Variants in MACROD2 observed in about 807,000 individuals in gnomAD.
MACROD2 encodes the protein mono-ADP ribosylhydrolase 2, also known as ADP-ribose glycohydrolase MACROD2.
Under a neutral mutation model 70.4 loss-of-function variants are expected in MACROD2, and 36 were observed. The ratio of observed to expected loss-of-function variants is 0.51; its 90% CI spans 0.39 to 0.68. The LOEUF (loss-of-function observed/expected upper bound fraction) is 0.68. MACROD2 is among the 30% of genes least tolerant of loss of function. The pLI is 0.00. For synonymous variants in MACROD2, 172 were observed against 178.8 expected, an observed-to-expected ratio of 0.96 and a Z score of 0.30; for missense variants, 496 against 538.4, an observed-to-expected ratio of 0.92 and a Z score of 0.78.
At chr20:14,420,144 T>TTATATATA (rs368804584) in intron 3 of MACROD2, among the ~76,000 whole-genome samples, 1,964 of 148,250 alleles carry the variant, frequency 0.013, 25 homozygotes, top group Non-Finnish European at 0.018. Context: ...TCTGTCCTAA[T>TTATATATA]TATATATATA....
intron 8 of MACROD2, among the ~76,000 whole-genome samples, chr20:15,568,203 T>C (rs1235447843): frequency 2.0e-5 from 3 of 152,234 alleles, no homozygotes; most frequent in Non-Finnish European, 2.9e-5. Context: ...TCAGAAGTTC[T>C]ATTGAGAGTT....
At chr20:14,684,654 C>G (rs111678195) in intron 4 of MACROD2, among the ~76,000 whole-genome samples, 189 bp from the exon 5 acceptor site, 2,572 of 147,238 alleles carry the variant, frequency 0.017, 104 homozygotes, top group African/African-American at 0.06. Flanking sequence ...CCTCACCCCC[C>G]CCCCCCGGCC....
At chr20:14,053,321 C>G (rs572771744) in intron 2 of MACROD2, 1 of 152,076 alleles carries the variant, frequency 6.6e-6, no homozygotes, top group African/African-American at 2.4e-5. Context: ...AGGTAGAAAA[C>G]TGAAAAGGGA....
At chr20:14,192,841 T>C (rs1406476159) in intron 3 of MACROD2, among the ~76,000 whole-genome samples, 1 of 152,208 alleles carries the variant, frequency 6.6e-6, no homozygotes, top group Non-Finnish European at 1.5e-5. Flanking sequence ...GGATTTTTGC[T>C]TCTGCAAGTG....
intron 6 of MACROD2, among the ~76,000 whole-genome samples, chr20:15,319,138 A>C (rs921136713): frequency 1.1e-4 from 17 of 152,208 alleles, no homozygotes; most frequent in African/African-American, 4.1e-4. Flanking sequence ...ACATCAATAC[A>C]CACAAATCAG....
chr20:14,652,553 AAC>A (rs1164263993), intron 4 of MACROD2, among the ~76,000 whole-genome samples: 1 of 152,292 alleles, frequency 6.6e-6, no homozygotes, highest in East Asian at 1.9e-4. Context: ...GTTTAAAAAC[AAC>A]AGTTTTTTCC....
At chr20:15,118,497 G>A (rs2076008287) in intron 5 of MACROD2, among the ~76,000 whole-genome samples, 2 of 152,088 alleles carry the variant, frequency 1.3e-5, no homozygotes, top group Non-Finnish European at 1.5e-5. Flanking sequence ...AGCCTAAAGT[G>A]AGCTCTTGAC....
chr20:15,001,717 T>A (rs1044073148), intron 5 of MACROD2, among the ~76,000 whole-genome samples: 2 of 151,504 alleles, frequency 1.3e-5, no homozygotes, highest in African/African-American at 4.9e-5. Flanking sequence ...TTTTTTTTAA[T>A]TTTTATTTCT....
At chr20:14,883,014 A>G (rs182673637) in intron 5 of MACROD2, among the ~76,000 whole-genome samples, 2 of 152,276 alleles carry the variant, frequency 1.3e-5, no homozygotes, top group Admixed American at 6.5e-5. Flanking sequence ...TCTTCATGAA[A>G]CAGAGGCCAC....
chr20:14,261,004 C>T (rs1445834855), intron 3 of MACROD2, among the ~76,000 whole-genome samples: 1 of 152,120 alleles, frequency 6.6e-6, no homozygotes, highest in Non-Finnish European at 1.5e-5. Context: ...CTACAGAGTA[C>T]CATCATAATA....
chr20:15,713,535 A>AGG (rs1490700861), intron 8 of MACROD2, among the ~76,000 whole-genome samples: 53 of 109,536 alleles, frequency 4.8e-4, no homozygotes, highest in Non-Finnish European at 9.6e-4. Context: ...CCTCGATGGC[A>AGG]GGAGAGAGAG....
At chr20:14,020,987 CTTTTTTTT>C (rs1163077387) in intron 2 of MACROD2, among the ~76,000 whole-genome samples, 2 of 111,548 alleles carry the variant, frequency 1.8e-5, no homozygotes, top group South Asian at 2.9e-4. Flanking sequence ...TTTGAATATT[CTTTTTTTT>C]TTTTTTTTTT....
chr20:15,932,625 A>T (rs1255728809), intron 10 of MACROD2, among the ~76,000 whole-genome samples: 1 of 152,212 alleles, frequency 6.6e-6, no homozygotes. Context: ...GCCTATACTT[A>T]ACCTTCAAAA....
chr20:15,032,775 C>A (rs1315050299), intron 5 of MACROD2, among the ~76,000 whole-genome samples: 4 of 152,200 alleles, frequency 2.6e-5, no homozygotes, highest in African/African-American at 4.8e-5. Context: ...TACTTGTACA[C>A]CAATGTTCAT....
At chr20:14,594,705 A>T (rs1982003673) in intron 4 of MACROD2, among the ~76,000 whole-genome samples, 1 of 152,220 alleles carries the variant, frequency 6.6e-6, no homozygotes, top group African/African-American at 2.4e-5. Flanking sequence ...CAGCCTGGCC[A>T]ATATGGTGAA....
chr20:14,318,363 A>T (rs2082630936), intron 3 of MACROD2, among the ~76,000 whole-genome samples: 1 of 152,182 alleles, frequency 6.6e-6, no homozygotes, highest in Non-Finnish European at 1.5e-5. Context: ...GAAGCCTCTT[A>T]AAAAAGAAAA....
At chr20:15,216,057 A>G (rs1466148055) in intron 5 of MACROD2, among the ~76,000 whole-genome samples, 1 of 152,130 alleles carries the variant, frequency 6.6e-6, no homozygotes, top group Non-Finnish European at 1.5e-5. Context: ...TCCTGTCCTG[A>G]ATAAGGCATG....
chr20:14,418,156 T>C (rs2083832359), intron 3 of MACROD2, among the ~76,000 whole-genome samples: 1 of 152,238 alleles, frequency 6.6e-6, no homozygotes, highest in Admixed American at 6.5e-5. Context: ...TGTCATACCC[T>C]GTGATGAACA....
At chr20:14,574,804 G>T (rs1193342458) in intron 4 of MACROD2, among the ~76,000 whole-genome samples, 1 of 149,546 alleles carries the variant, frequency 6.7e-6, no homozygotes, top group East Asian at 2.0e-4. Context: ...GAGGTCAGGA[G>T]ATCGAGACCA....
Sources: gnomAD v4.1 joint callset for allele counts (sites outside exome capture counted in the v4.1 genomes callset) on GRCh38, gnomAD v4.1.1 for gene constraint, MANE v1.5 for transcripts, NCBI Gene and HGNC (gene_info 2026-07-23, HGNC 2026-07-21) for gene names.